Variants in KLHL29 observed in about 807,000 individuals in gnomAD.
KLHL29 encodes kelch-like protein 29.
A neutral mutation model predicts 80.4 loss-of-function variants in KLHL29; 21 were observed. The observed-to-expected ratio is 0.26, with a 90% CI of 0.19 to 0.38. KLHL29 has a LOEUF of 0.38. KLHL29 is among the 10% of genes least tolerant of loss of function. The probability of loss-of-function intolerance (pLI) is 1.00; values close to 1 mark genes in which losing one functional copy is unlikely to be tolerated. For synonymous variants in KLHL29, 511 were observed against 526.8 expected (o/e 0.97, Z 0.41); for missense variants, 867 against 1,223.9 (o/e 0.71, Z 4.35).
At chr2:23,458,128 C>G (rs537386153) in intron 1 of KLHL29, among the ~76,000 whole-genome samples, 1 of 152,198 alleles carries the variant, frequency 6.6e-6, no homozygotes, top group African/African-American at 2.4e-5. Context: ...TGCAGGTGGC[C>G]GGCGTTGCCC....
chr2:23,452,827 T>G (rs1196102504), intron 1 of KLHL29, among the ~76,000 whole-genome samples: 1 of 152,128 alleles, frequency 6.6e-6, no homozygotes, highest in Non-Finnish European at 1.5e-5. Flanking sequence ...TTTTGGAACG[T>G]TCTTCTTTCT....
chr2:23,702,604 G>A (rs1160555367), intron 11 of KLHL29, among the ~76,000 whole-genome samples: 5 of 152,158 alleles, frequency 3.3e-5, no homozygotes, highest in African/African-American at 7.2e-5. Context: ...TCAAGGCCCA[G>A]CCTGGGTATC....
chr2:23,404,465 T>C (rs1666676716), intron 1 of KLHL29, among the ~76,000 whole-genome samples: 1 of 152,062 alleles, frequency 6.6e-6, no homozygotes, highest in Non-Finnish European at 1.5e-5. Flanking sequence ...GTTTGAGATT[T>C]AAAAAAAAGA....
At chr2:23,448,468 T>G (rs1328846165) in intron 1 of KLHL29, among the ~76,000 whole-genome samples, 2 of 152,146 alleles carry the variant, frequency 1.3e-5, no homozygotes, top group African/African-American at 2.4e-5. Flanking sequence ...CCTCACCAGC[T>G]ATTTAAGAAA....
chr2:23,490,280 G>A (rs1665060246), intron 2 of KLHL29, among the ~76,000 whole-genome samples: 1 of 151,730 alleles, frequency 6.6e-6, no homozygotes, highest in African/African-American at 2.4e-5. Flanking sequence ...TGGGTTGGTG[G>A]TTAAAAAAAA....
intron 3 of KLHL29, among the ~76,000 whole-genome samples, chr2:23,564,111 G>A (rs945736682): frequency 2.0e-5 from 3 of 152,268 alleles, no homozygotes; most frequent in African/African-American, 4.8e-5. Context: ...GGCTGGGCCC[G>A]GAGGCCGTCT....
At chr2:23,536,120 G>C (rs77157924) in intron 2 of KLHL29, among the ~76,000 whole-genome samples, 14,656 of 152,166 alleles carry the variant, frequency 0.096, 983 homozygotes, top group Admixed American at 0.24. Context: ...AGAGCGACAG[G>C]TATCCTTCCT....
chr2:23,519,799 AG>A (rs1255694019), intron 2 of KLHL29, among the ~76,000 whole-genome samples: 1 of 152,184 alleles, frequency 6.6e-6, no homozygotes, highest in African/African-American at 2.4e-5. Flanking sequence ...AAGCAAAGGC[AG>A]GAAGACCCAA....
At chr2:23,552,837 G>A (rs1667164513) in intron 2 of KLHL29, among the ~76,000 whole-genome samples, 2 of 137,580 alleles carry the variant, frequency 1.5e-5, no homozygotes, top group Admixed American at 1.7e-4. Context: ...TCGGCTCACT[G>A]CAACCTCCGC....
chr2:23,592,002 A>C (rs1311464708), intron 3 of KLHL29, among the ~76,000 whole-genome samples: 1 of 152,238 alleles, frequency 6.6e-6, no homozygotes, highest in African/African-American at 2.4e-5. Context: ...ACTGCCAAAC[A>C]GGCATCTGCC....
chr2:23,508,601 G>C (rs533752785), intron 2 of KLHL29, among the ~76,000 whole-genome samples: 1 of 152,240 alleles, frequency 6.6e-6, no homozygotes, highest in Non-Finnish European at 1.5e-5. Flanking sequence ...GGGGAGTGTC[G>C]AGGTTCTAGA....
chr2:23,597,387 A>G (rs1263934834), intron 3 of KLHL29, among the ~76,000 whole-genome samples: 10 of 16,376 alleles, frequency 6.1e-4, no homozygotes, highest in South Asian at 2.7e-3. Flanking sequence ...GTGTGTGTAT[A>G]TATATATATA....
rs2149162097 is a variant in KLHL29, at chr2:23,648,055, C to CCAGGCATA, written c.940+5207_940+5214dup. Among the ~76,000 whole-genome samples, 3 of 152,152 alleles carry CCAGGCATA rather than the reference C, an allele frequency of 2.0e-5. No homozygotes were observed. In the South Asian group the frequency reaches 6.2e-4, roughly 32 times the overall value. ...TGAAAGCAGGTCAGTGCTCAGGGCC[C>CCAGGCATA]CAGGCATACGGGGATGGAAAGTGCC... is the stretch of plus-strand genomic sequence containing the variant. On this transcript the variant is annotated intron_variant, in intron 5 of 13. Transcript: ENST00000486442.
chr2:23,601,233 A>T (rs1445315025), intron 3 of KLHL29, among the ~76,000 whole-genome samples: 2 of 152,168 alleles, frequency 1.3e-5, no homozygotes, highest in African/African-American at 4.8e-5. Context: ...GTCTCCCAGG[A>T]CCATTGAGGG....
At chr2:23,655,145 T>C (rs1199377760) in intron 5 of KLHL29, among the ~76,000 whole-genome samples, 3 of 152,144 alleles carry the variant, frequency 2.0e-5, no homozygotes, top group African/African-American at 7.2e-5. Flanking sequence ...CAAGGGGCAT[T>C]GGGCCATTTG....
At chr2:23,666,891 G>C (rs1029944478) in intron 5 of KLHL29, among the ~76,000 whole-genome samples, 1 of 152,246 alleles carries the variant, frequency 6.6e-6, no homozygotes, top group African/African-American at 2.4e-5. Context: ...CCTTCTCTCT[G>C]TGCCCAGCCC....
At chr2:23,688,087 G>T (rs1016070797) in intron 6 of KLHL29, among the ~76,000 whole-genome samples, 3 of 152,152 alleles carry the variant, frequency 2.0e-5, no homozygotes, top group Non-Finnish European at 4.4e-5. Context: ...CGGTAGAGTG[G>T]ACAGGTGTGG....
Position 23,584,142 on chromosome 2 carries a change from G to T in KLHL29, c.285+21661G>T, listed in dbSNP as rs548209770. ...TATGGGCCTATTTTAGAAGATGAGC[G>T]ATCCCCAGGCAGGCTCCAGCCGGCC... On this transcript the variant is annotated intron_variant, in intron 3 of 13. Coordinates refer to ENST00000486442, the MANE Select transcript of KLHL29 (RefSeq NM_052920.2). Among the ~76,000 whole-genome samples, 5 of 152,308 alleles carry T rather than the reference G, an allele frequency of 3.3e-5. No homozygotes were observed. The South Asian group carries it at 1.0e-3, about 32-fold the overall frequency.
chr2:23,569,463 C>T (rs1450916743), intron 3 of KLHL29, among the ~76,000 whole-genome samples: 1 of 152,204 alleles, frequency 6.6e-6, no homozygotes, highest in Non-Finnish European at 1.5e-5. Flanking sequence ...CTACTTCTTA[C>T]TCAGTTCTAA....
Sources: allele counts gnomAD v4.1 joint callset (sites outside exome capture counted in the v4.1 genomes callset), GRCh38; gene constraint gnomAD v4.1.1; transcripts MANE v1.5; gene names NCBI Gene and HGNC (gene_info 2026-07-23, HGNC 2026-07-21).